Variants in TUB observed in about 807,000 individuals in gnomAD.
The protein encoded by TUB is TUB bipartite transcription factor.
In TUB, 33 loss-of-function variants were observed where a neutral mutation model predicts 59.7. The observed-to-expected ratio is 0.55, with a 90% CI of 0.42 to 0.74. TUB has a LOEUF of 0.74. Among genes scored for constraint, TUB ranks in the 30% least tolerant of loss-of-function variants. TUB has a pLI of 0.00. For missense variants in TUB, 659 were observed against 672.0 expected (o/e 0.98, Z 0.21); for synonymous variants, 293 against 256.4 (o/e 1.14, Z -1.36).
At chr11:8,072,726 A>G (rs1302297058) in intron 2 of TUB, among the ~76,000 whole-genome samples, 1 of 152,212 alleles carries the variant, frequency 6.6e-6, no homozygotes, top group Non-Finnish European at 1.5e-5. Flanking sequence ...GAGGAAACTG[A>G]GGCGAGCCTG....
intron 2 of TUB, among the ~76,000 whole-genome samples, chr11:8,057,501 G>A (rs932666936): frequency 1.3e-5 from 2 of 152,144 alleles, no homozygotes; most frequent in Admixed American, 6.5e-5. Context: ...GTGTGCATTC[G>A]TCTAAAGACA....
chr11:8,083,989 T>C (rs1943619755), intron 1 of TUB, among the ~76,000 whole-genome samples: 1 of 152,186 alleles, frequency 6.6e-6, no homozygotes, highest in South Asian at 2.1e-4. Flanking sequence ...TGCTGTCTGA[T>C]CACAGAGAAA....
chr11:8,053,691 C>G (rs1386035168), intron 2 of TUB, among the ~76,000 whole-genome samples: 1 of 151,210 alleles, frequency 6.6e-6, no homozygotes, highest in African/African-American at 2.4e-5. Flanking sequence ...TTAATAGAGA[C>G]GGGGTTTCAC....
chr11:8,089,261 C>G (rs1346422723), intron 1 of TUB, among the ~76,000 whole-genome samples: 1 of 152,150 alleles, frequency 6.6e-6, no homozygotes, highest in African/African-American at 2.4e-5. Flanking sequence ...AGCCTGGCCT[C>G]GGGCCTGGCT....
chr11:8,021,480 A>C (rs1350065286), intron 1 of TUB, among the ~76,000 whole-genome samples: 1 of 151,980 alleles, frequency 6.6e-6, no homozygotes, highest in Non-Finnish European at 1.5e-5. Flanking sequence ...AAAAAATAAA[A>C]ATAAATAAAT....
rs1942692156 is a variant in TUB at position 8,038,907 on chromosome 11, GT to G, written c.37del (p.Ser13LeufsTer32). 6.2e-7 allele frequency: 1 copy of G among 1,614,098 alleles called. No individual in the cohort carries two copies. Among genetic ancestry groups the G allele is most frequent in the Non-Finnish European group, 8.5e-7 (1 of 1,179,982 alleles). On this transcript the variant is annotated frameshift_variant, in exon 1 of 13. Transcript: ENST00000305253. LOFTEE classifies it high-confidence loss of function. ...CAGGACACCTTTGCCTTCTTTCTGG[GT>G]TTCTTTCTTTGCCGAGACAGGGATT... is the stretch of plus-strand genomic sequence containing the variant.
chr11:8,072,327 TC>T (rs1325571640), intron 2 of TUB, among the ~76,000 whole-genome samples: 2 of 152,078 alleles, frequency 1.3e-5, no homozygotes, highest in East Asian at 3.9e-4. Context: ...CTTCCCTTCC[TC>T]CCTCCTAGAG....
chr11:8,081,809 G>T (rs1423328677), intron 1 of TUB, among the ~76,000 whole-genome samples: 2 of 152,204 alleles, frequency 1.3e-5, no homozygotes, highest in African/African-American at 4.8e-5. Context: ...AGCACCATGT[G>T]GCCGCCTGGG....
chr11:8,096,569 A>G (rs2242502), intron 5 of TUB, 116 bp from the exon 6 acceptor site: 510,054 of 735,332 alleles, frequency 0.69, 180,644 homozygotes, highest in Middle Eastern at 0.79. Flanking sequence ...GTGTGTGCAT[A>G]AGTTTGTGGG....
At chr11:8,035,138 A>G (rs996453184), upstream of TUB, among the ~76,000 whole-genome samples, 4 of 152,252 alleles carry the variant, frequency 2.6e-5, no homozygotes, top group African/African-American at 9.6e-5. Context: ...GAACAAGCTC[A>G]GTAATTAAGA....
chr11:8,063,900 C>T (rs1402185651), intron 2 of TUB, among the ~76,000 whole-genome samples: 2 of 152,058 alleles, frequency 1.3e-5, no homozygotes, highest in East Asian at 3.9e-4. Context: ...TTTCTTTTTT[C>T]TCATTTTGCG....
chr11:8,063,784 G>C (rs1943179410), intron 2 of TUB, among the ~76,000 whole-genome samples: 1 of 152,186 alleles, frequency 6.6e-6, no homozygotes, highest in African/African-American at 2.4e-5. Context: ...TGGTTCTCCA[G>C]AAATATTGAG....
chr11:8,069,656 CT>C lies in TUB; in HGVS notation c.204-19951del, dbSNP rs1310240805. On this transcript the variant is annotated intron_variant, in intron 2 of 12. Coordinates refer to the TUB transcript ENST00000305253. ...TCTCATTAGCCGTCATCGGAAATGT[CT>C]TTGCTTTTCTTACCTGTTTTGTTTG... 2.0e-5 allele frequency among the ~76,000 whole-genome samples: 3 copies of C among 152,218 alleles called. No homozygotes were observed. The East Asian group carries it at 5.8e-4, about 29-fold the overall frequency.
At chr11:8,043,290 G>A (rs894351453) in intron 2 of TUB, among the ~76,000 whole-genome samples, 1 of 152,120 alleles carries the variant, frequency 6.6e-6, no homozygotes, top group African/African-American at 2.4e-5. Flanking sequence ...TGACCTATAT[G>A]TCTATCTTTA....
chr11:8,092,465 G>A (rs116628102), intron 3 of TUB, among the ~76,000 whole-genome samples: 195 of 152,238 alleles, frequency 1.3e-3, no homozygotes, highest in African/African-American at 4.3e-3. Flanking sequence ...CTTGTGACTG[G>A]GGCAAGCCAT....
intron 2 of TUB, among the ~76,000 whole-genome samples, chr11:8,040,327 A>G (rs72848406): frequency 1.5e-3 from 235 of 152,320 alleles, no homozygotes; most frequent in Non-Finnish European, 2.9e-3. Flanking sequence ...TCTTGTGTAC[A>G]GATGAGGCAA....
rs1209547652 is a variant in TUB at position 8,096,792 on chromosome 11, AG to A, written c.675del (p.Lys226SerfsTer31). On this transcript the variant is annotated frameshift_variant, in exon 6 of 12. Coordinates refer to ENST00000299506, the MANE Select transcript of TUB (RefSeq NM_177972.3). LOFTEE classifies it high-confidence loss of function. ...CACCCGCCCCAGCTCTGCTACTAGC[AG>A]GAAGTCCGTCAGGGTGAGTGAGTGA... Reference protein sequence around the residue: ...SNTRPSSATSRKSVREAASAP... With the variant: ...SNTRPSSATSXKSVREAASAP... 6.2e-7 allele frequency: 1 copy of A among 1,614,176 alleles called. No homozygotes were observed. The highest frequency in any genetic ancestry group is 1.7e-5 in the Admixed American group (1 of 60,018).
chr11:8,020,965 A>G lies in TUB; in HGVS notation c.56+1607A>G, dbSNP rs926251917. On this transcript the variant is annotated intron_variant, in intron 1 of 11. Transcript: ENST00000534099. The stretch of plus-strand genomic sequence containing the variant: ...CACAGTCTAGATTATATTAGAAATA[A>G]GCAGTGACATATTCTGGGAGAAAAA... Among the ~76,000 whole-genome samples the G allele has an allele frequency of 3.3e-5, 5 of 152,240 alleles. No individual in the cohort carries two copies. In the East Asian group the frequency reaches 7.7e-4, roughly 23 times the overall value.
At chr11:8,093,918 G>A (rs1038095989) in intron 3 of TUB, 128 bp from the exon 4 acceptor site, 1 of 1,071,760 alleles carries the variant, frequency 9.3e-7, no homozygotes, top group Non-Finnish European at 1.4e-6. Flanking sequence ...TGTAGAAGTG[G>A]TACAGGGGCC....
Sources: allele counts gnomAD v4.1 joint callset (sites outside exome capture counted in the v4.1 genomes callset), GRCh38; gene constraint gnomAD v4.1.1; transcripts MANE v1.5; gene names NCBI Gene and HGNC (gene_info 2026-07-23, HGNC 2026-07-21).